HIVEP3: variants seen among roughly 807,000 people sequenced by gnomAD.
HIVEP3 encodes the protein transcription factor HIVEP3.
In HIVEP3, 49 loss-of-function variants were observed where a neutral mutation model predicts 152.8. The observed-to-expected ratio is 0.32, with a 90% CI of 0.26 to 0.41. The LOEUF (loss-of-function observed/expected upper bound fraction) is 0.41. Among genes scored for constraint, HIVEP3 ranks in the 10% least tolerant of loss-of-function variants. HIVEP3 has a pLI of 1.00. For missense variants in HIVEP3, 2,790 were observed against 3,103.3 expected (o/e 0.90, Z 2.40); for synonymous variants, 1,269 against 1,289.0 (o/e 0.98, Z 0.33).
At chr1:41,638,161 T>C (rs897138488) in intron 2 of HIVEP3, among the ~76,000 whole-genome samples, 4 of 151,636 alleles carry the variant, frequency 2.6e-5, no homozygotes, top group Non-Finnish European at 5.9e-5. Flanking sequence ...CTATGTAATA[T>C]ATCCATGTAA....
chr1:42,031,944 G>C (rs1645615642), intron 1 of HIVEP3, among the ~76,000 whole-genome samples: 1 of 152,054 alleles, frequency 6.6e-6, no homozygotes, highest in South Asian at 2.1e-4. Flanking sequence ...AGTCAATGTG[G>C]TAATCAAAAT....
At chr1:41,585,634 G>A (rs537840428) in intron 3 of HIVEP3, among the ~76,000 whole-genome samples, 4 of 152,316 alleles carry the variant, frequency 2.6e-5, no homozygotes, top group African/African-American at 9.6e-5. Flanking sequence ...GGTGGTTAGG[G>A]ACAGAGGCCT....
chr1:41,712,462 G>T (rs1247554103), intron 1 of HIVEP3, among the ~76,000 whole-genome samples: 2 of 152,242 alleles, frequency 1.3e-5, no homozygotes, highest in Non-Finnish European at 2.9e-5. Context: ...TGTAACATCA[G>T]GGTGTGTAAG....
intron 2 of HIVEP3, among the ~76,000 whole-genome samples, chr1:41,652,434 C>T (rs1438094955): frequency 3.3e-5 from 5 of 152,010 alleles, no homozygotes; most frequent in Non-Finnish European, 7.4e-5. Flanking sequence ...TGCCTGGGGA[C>T]GTGCCTGGAG....
chr1:41,526,198 G>A (rs148670884), intron 5 of HIVEP3, among the ~76,000 whole-genome samples: 1 of 151,724 alleles, frequency 6.6e-6, no homozygotes, highest in Non-Finnish European at 1.5e-5. Flanking sequence ...GAGAGAGCCC[G>A]CTGGCAGCAA....
At chr1:41,729,735 T>C (rs1249397992) in intron 1 of HIVEP3, among the ~76,000 whole-genome samples, 1 of 152,210 alleles carries the variant, frequency 6.6e-6, no homozygotes, top group Non-Finnish European at 1.5e-5. Flanking sequence ...CTTTCAGCCA[T>C]GTGTCCTTGT....
At chr1:41,647,833 T>C (rs768727563) in intron 2 of HIVEP3, among the ~76,000 whole-genome samples, 1 of 152,252 alleles carries the variant, frequency 6.6e-6, no homozygotes, top group South Asian at 2.1e-4. Flanking sequence ...ACACTCTTGG[T>C]CTCTTGGGCC....
chr1:41,637,856 A>G (rs1645300726), intron 2 of HIVEP3, among the ~76,000 whole-genome samples: 1 of 152,232 alleles, frequency 6.6e-6, no homozygotes, highest in South Asian at 2.1e-4. Context: ...ACTGGGGCAG[A>G]GCAGAATGGG....
chr1:41,888,716 C>T (rs956991121), intron 1 of HIVEP3, among the ~76,000 whole-genome samples: 3 of 124,802 alleles, frequency 2.4e-5, no homozygotes, highest in African/African-American at 9.1e-5. Flanking sequence ...TCACACCCCC[C>T]ACACACATAC....
intron 1 of HIVEP3, among the ~76,000 whole-genome samples, chr1:42,000,446 C>A (rs1358416200): frequency 6.6e-6 from 1 of 152,186 alleles, no homozygotes; most frequent in African/African-American, 2.4e-5. Flanking sequence ...GGAGGAGGCA[C>A]AAGTCACCTT....
At chr1:41,805,189 T>G (rs1650529674) in intron 1 of HIVEP3, among the ~76,000 whole-genome samples, 1 of 152,028 alleles carries the variant, frequency 6.6e-6, no homozygotes, top group Admixed American at 6.5e-5. Flanking sequence ...ATACAAAAAT[T>G]AGCCAAGCTT....
intron 1 of HIVEP3, among the ~76,000 whole-genome samples, chr1:41,880,822 G>A (rs1644249011): frequency 6.6e-6 from 1 of 152,152 alleles, no homozygotes; most frequent in Non-Finnish European, 1.5e-5. Flanking sequence ...TGCATCTGTG[G>A]GGCGAGCATC....
intron 1 of HIVEP3, among the ~76,000 whole-genome samples, chr1:41,799,363 G>A (rs947316541): frequency 6.6e-5 from 10 of 152,212 alleles, no homozygotes; most frequent in African/African-American, 2.2e-4. Flanking sequence ...TAAACATGCT[G>A]TCTTATTTCA....
intron 2 of HIVEP3, among the ~76,000 whole-genome samples, chr1:41,653,191 T>G (rs1256160627): frequency 6.6e-6 from 1 of 152,130 alleles, no homozygotes; most frequent in Non-Finnish European, 1.5e-5. Flanking sequence ...CTCCAGCTAT[T>G]CTGTATGTGT....
At chr1:41,614,500 C>T (rs577967713) in intron 3 of HIVEP3, among the ~76,000 whole-genome samples, 3 of 152,378 alleles carry the variant, frequency 2.0e-5, no homozygotes, top group Admixed American at 1.3e-4. Flanking sequence ...GAAGTCCCAA[C>T]AGGCTGAGCA....
At chr1:41,755,791 T>C (rs1647281556) in intron 1 of HIVEP3, among the ~76,000 whole-genome samples, 1 of 152,212 alleles carries the variant, frequency 6.6e-6, no homozygotes, top group Non-Finnish European at 1.5e-5. Flanking sequence ...ACATGGCTAT[T>C]AAAACAGCTA....
chr1:42,005,179 T>A (rs898021019), intron 1 of HIVEP3, among the ~76,000 whole-genome samples: 10 of 152,290 alleles, frequency 6.6e-5, no homozygotes, highest in Non-Finnish European at 4.4e-5. Flanking sequence ...CTTACCTTGC[T>A]CACTGTTCCC....
intron 5 of HIVEP3, among the ~76,000 whole-genome samples, chr1:41,569,695 A>G (rs1484561633): frequency 6.6e-6 from 1 of 152,170 alleles, no homozygotes; most frequent in Admixed American, 6.5e-5. Flanking sequence ...CCAAGCTACT[A>G]TTTCATGAAA....
chr1:41,813,469 G>T (rs1282544096), intron 1 of HIVEP3, among the ~76,000 whole-genome samples: 1 of 152,212 alleles, frequency 6.6e-6, no homozygotes, highest in Non-Finnish European at 1.5e-5. Context: ...GACACACAGG[G>T]TGCCTGAGAG....
Sources: allele counts gnomAD v4.1 joint callset (sites outside exome capture counted in the v4.1 genomes callset), GRCh38; gene constraint gnomAD v4.1.1; transcripts MANE v1.5; gene names NCBI Gene and HGNC (gene_info 2026-07-23, HGNC 2026-07-21).